Variants in FAM20B observed in about 807,000 individuals in gnomAD.
FAM20B encodes the protein glycosaminoglycan xylosylkinase.
A neutral mutation model predicts 43.8 loss-of-function variants in FAM20B; 23 were observed. That is an observed-to-expected ratio of 0.53 (90% confidence interval 0.38 to 0.74). The LOEUF is 0.74. Among genes scored for constraint, FAM20B ranks in the 30% least tolerant of loss-of-function variants. FAM20B has a pLI of 0.00. For missense variants in FAM20B, 440 were observed against 510.5 expected (o/e 0.86, Z 1.33); for synonymous variants, 178 against 192.4 (o/e 0.93, Z 0.62).
intron 2 of FAM20B, 121 bp from the exon 3 acceptor site, chr1:179,050,158 T>C (rs1028994875): frequency 6.2e-6 from 4 of 649,762 alleles, no homozygotes; most frequent in African/African-American, 1.8e-5. Flanking sequence ...GTTTGCAGGG[T>C]TGACAGAGAA....
chr1:179,023,846 G>T (rs1649648225), upstream of FAM20B, among the ~76,000 whole-genome samples: 1 of 152,182 alleles, frequency 6.6e-6, no homozygotes, highest in African/African-American at 2.4e-5. Context: ...CCTTGCAGCT[G>T]CTTCCTGTGT....
At chr1:179,026,875 C>T (rs1649813328) in intron 1 of FAM20B, among the ~76,000 whole-genome samples, 1 of 152,194 alleles carries the variant, frequency 6.6e-6, no homozygotes, top group South Asian at 2.1e-4. Flanking sequence ...TTCTGTTAAC[C>T]TGCCAGTCTC....
chr1:179,029,780 A>G (rs1171070368), intron 1 of FAM20B, among the ~76,000 whole-genome samples: 2 of 152,224 alleles, frequency 1.3e-5, no homozygotes, highest in African/African-American at 2.4e-5. Flanking sequence ...CTTTATATAC[A>G]TAGCAATGCC....
rs1323214395 is a variant in FAM20B, at chr1:179,066,936, T to G, written c.998+77T>G. On this transcript the variant is annotated intron_variant, in intron 7 of 7. Transcript: ENST00000263733. The stretch of plus-strand genomic sequence containing the variant: ...TCAGGTAACAGTACATCCATTTTCT[T>G]GGCCCTCAAACTTTCTGATACCTGA... The G allele has an allele frequency of 2.7e-6, 3 of 1,092,484 alleles. No individual in the cohort carries two copies. The East Asian group carries it at 7.1e-5, about 26-fold the overall frequency. The allele number at this position is 1,092,484 out of a possible 1,614,324, so 67.7% of individuals were successfully genotyped here. A position where few individuals can be genotyped will look rare whatever the true frequency, so the allele number is the denominator to read the frequency against.
chr1:179,031,344 A>C (rs1650001676), intron 1 of FAM20B, among the ~76,000 whole-genome samples: 1 of 152,214 alleles, frequency 6.6e-6, no homozygotes, highest in Non-Finnish European at 1.5e-5. Flanking sequence ...CGTAGTGTCA[A>C]GATTACTGCG....
chr1:179,030,794 T>C (rs1006024512), intron 1 of FAM20B, among the ~76,000 whole-genome samples: 1 of 151,878 alleles, frequency 6.6e-6, no homozygotes, highest in Non-Finnish European at 1.5e-5. Context: ...CCCTGCACAG[T>C]GCTAAGTTAC....
intron 4 of FAM20B, among the ~76,000 whole-genome samples, chr1:179,060,951 C>T (rs1359696283): frequency 1.3e-5 from 2 of 152,052 alleles, no homozygotes; most frequent in African/African-American, 4.8e-5. Flanking sequence ...TTTGTATTTT[C>T]TGTTAACTGT....
chr1:179,052,873 C>T (rs570013684), intron 3 of FAM20B, among the ~76,000 whole-genome samples: 11 of 152,158 alleles, frequency 7.2e-5, no homozygotes, highest in African/African-American at 2.7e-4. Context: ...TGTTGGAAAC[C>T]AACAGGCATA....
intron 7 of FAM20B, 84 bp downstream of exon 7, chr1:179,066,943 C>A: frequency 1.0e-6 from 1 of 990,362 alleles, no homozygotes; most frequent in Non-Finnish European, 1.6e-6. Context: ...TCTTGGCCCT[C>A]AAACTTTCTG....
In FAM20B at chr1:179,066,841, C is replaced by G; in HGVS notation, c.980C>G (p.Pro327Arg). 6.2e-6 allele frequency: 10 copies of G among 1,612,602 alleles called. No individual in the cohort carries two copies. Among genetic ancestry groups the G allele is most frequent in the African/African-American group, 1.3e-5 (1 of 75,006 alleles). Residue 327 changes from proline to arginine, a missense_variant, in exon 7 of 8, where the codon CCT becomes CGT. Physicochemically the swap from Pro to Arg is moderately radical, Grantham distance 103. Coordinates refer to ENST00000263733, the MANE Select transcript of FAM20B (RefSeq NM_014864.4). ...PSLDERSILA[P>R]LYQCCIIRVS... ...CTGGATGAAAGAAGCATTCTTGCCC[C>G]TCTCTATCAGTGTTGCATGTAAGTT...
At chr1:179,037,275 A>G (rs1338092887) in intron 1 of FAM20B, among the ~76,000 whole-genome samples, 1 of 152,166 alleles carries the variant, frequency 6.6e-6, no homozygotes, top group Non-Finnish European at 1.5e-5. Context: ...AGACGGCTGT[A>G]AAGAACAATG....
intron 2 of FAM20B, among the ~76,000 whole-genome samples, chr1:179,047,174 C>G (rs1422977516): frequency 6.6e-6 from 1 of 152,094 alleles, no homozygotes; most frequent in African/African-American, 2.4e-5. Flanking sequence ...GGAGGAGAGG[C>G]CAGACTGATG....
intron 2 of FAM20B, among the ~76,000 whole-genome samples, chr1:179,048,681 T>A (rs1650881170): frequency 6.6e-6 from 1 of 152,172 alleles, no homozygotes; most frequent in African/African-American, 2.4e-5. Flanking sequence ...TATAAACCTT[T>A]TAAAAAATTA....
intron 7 of FAM20B, among the ~76,000 whole-genome samples, chr1:179,070,248 G>A (rs758013796): frequency 3.9e-5 from 6 of 151,930 alleles, no homozygotes; most frequent in Non-Finnish European, 7.4e-5. Flanking sequence ...GTTTCACCAT[G>A]TTGCCTAGGC....
At chr1:179,058,724 G>A (rs1037362517) in intron 4 of FAM20B, among the ~76,000 whole-genome samples, 1 of 152,184 alleles carries the variant, frequency 6.6e-6, no homozygotes, top group Non-Finnish European at 1.5e-5. Flanking sequence ...GGGAAGGGGA[G>A]AATCAAGAGC....
chr1:179,018,581 G>A, the FAM20B span, among the ~76,000 whole-genome samples: 2 of 152,122 alleles, frequency 1.3e-5, no homozygotes, highest in African/African-American at 4.8e-5. Flanking sequence ...TGCTAGGATT[G>A]CAGGCGTCAG....
intron 4 of FAM20B, among the ~76,000 whole-genome samples, 166 bp downstream of exon 4, chr1:179,054,804 G>A (rs1651145102): frequency 6.6e-6 from 1 of 152,214 alleles, no homozygotes; most frequent in Non-Finnish European, 1.5e-5. Flanking sequence ...TGAATCTAAA[G>A]GAGATGGCAG....
At chr1:179,044,429 CCT>C (rs1650681780) in intron 2 of FAM20B, among the ~76,000 whole-genome samples, 1 of 152,172 alleles carries the variant, frequency 6.6e-6, no homozygotes, top group Non-Finnish European at 1.5e-5. Flanking sequence ...CCCTAAAAAT[CCT>C]CTGTGTTCTA....
intron 4 of FAM20B, among the ~76,000 whole-genome samples, chr1:179,060,632 C>G (rs563780467): frequency 1.3e-5 from 2 of 152,158 alleles, no homozygotes; most frequent in African/African-American, 2.4e-5. Flanking sequence ...CCACCCAGTC[C>G]CCAACCCCTG....
Sources: allele counts gnomAD v4.1 joint callset (sites outside exome capture counted in the v4.1 genomes callset), GRCh38; gene constraint gnomAD v4.1.1; transcripts MANE v1.5; gene names NCBI Gene and HGNC (gene_info 2026-07-23, HGNC 2026-07-21).